RAB4A: variants seen among roughly 807,000 people sequenced by gnomAD.
RAB4A encodes RAB4A, member RAS oncogene family, also known as ras-related protein Rab-4A.
RAB4A carries 20 observed loss-of-function variants against 34.5 expected under a neutral mutation model. The observed-to-expected ratio is 0.58, with a 90% CI of 0.41 to 0.84. RAB4A has a LOEUF of 0.84. Among genes scored for constraint, RAB4A ranks in the 40% least tolerant of loss-of-function variants. The pLI is 0.00. For missense variants in RAB4A, 228 were observed against 274.5 expected (o/e 0.83, Z 1.20); for synonymous variants, 102 against 100.0 (o/e 1.02, Z -0.12).
At chr1:229,287,378 C>G (rs932901930) in intron 2 of RAB4A, among the ~76,000 whole-genome samples, 6 of 152,218 alleles carry the variant, frequency 3.9e-5, no homozygotes, top group Middle Eastern at 3.4e-3. Flanking sequence ...CTTGTTGGAG[C>G]CTGTTTGTTT....
intron 6 of RAB4A, among the ~76,000 whole-genome samples, chr1:229,302,279 AT>A (rs1657411197): frequency 6.1e-5 from 1 of 16,304 alleles, no homozygotes; most frequent in Non-Finnish European, 1.1e-4. Flanking sequence ...ATATATATAT[AT>A]ATATATATAT....
chr1:229,288,114 T>G (rs1191991093), intron 2 of RAB4A, among the ~76,000 whole-genome samples: 1 of 152,124 alleles, frequency 6.6e-6, no homozygotes, highest in African/African-American at 2.4e-5. Flanking sequence ...TAGGGTTTTG[T>G]TTTGGGGTTT....
chr1:229,288,439 C>T (rs1656980945), intron 2 of RAB4A, among the ~76,000 whole-genome samples: 1 of 152,210 alleles, frequency 6.6e-6, no homozygotes, highest in Non-Finnish European at 1.5e-5. Flanking sequence ...TAACAGTGCA[C>T]AGTTGGATGT....
chr1:229,303,135 G>A (rs1485527081), intron 7 of RAB4A, 146 bp downstream of exon 7: 4 of 593,248 alleles, frequency 6.7e-6, no homozygotes, highest in South Asian at 6.1e-5. Context: ...AGGCTGAGGT[G>A]GGCCAGTTGC....
At chr1:229,295,483 C>T (rs936118538) in intron 3 of RAB4A, among the ~76,000 whole-genome samples, 1 of 152,012 alleles carries the variant, frequency 6.6e-6, no homozygotes, top group African/African-American at 2.4e-5. Flanking sequence ...GAAAATTGTG[C>T]CAGGGAGTGG....
At chr1:229,281,729 C>T (rs1400580494) in intron 1 of RAB4A, among the ~76,000 whole-genome samples, 1 of 151,044 alleles carries the variant, frequency 6.6e-6, no homozygotes, top group Non-Finnish European at 1.5e-5. Flanking sequence ...GTTTGATTTA[C>T]CAAGAGTGCT....
intron 1 of RAB4A, 87 bp from the exon 2 acceptor site, chr1:229,286,399 A>G (rs61825327): frequency 0.02 from 15,489 of 777,320 alleles, 194 homozygotes; most frequent in Middle Eastern, 0.026. Context: ...ATTAACAACT[A>G]AGATACTAAA....
chr1:229,294,153 G>A (rs1049932635), intron 3 of RAB4A, among the ~76,000 whole-genome samples: 66 of 152,290 alleles, frequency 4.3e-4, no homozygotes, highest in African/African-American at 1.4e-3. Flanking sequence ...CCTGGAGGGT[G>A]GGACCAAAAA....
chr1:229,300,829 T>A (rs1657367047), intron 6 of RAB4A, among the ~76,000 whole-genome samples: 1 of 151,892 alleles, frequency 6.6e-6, no homozygotes, highest in Admixed American at 6.6e-5. Context: ...GAGAACAGTG[T>A]TTAAGGAGAG....
At chr1:229,278,773 T>C (rs548998617) in intron 1 of RAB4A, among the ~76,000 whole-genome samples, 2 of 152,364 alleles carry the variant, frequency 1.3e-5, no homozygotes, top group African/African-American at 4.8e-5. Flanking sequence ...TCAGTACTTT[T>C]TGTCAACAGT....
intron 1 of RAB4A, among the ~76,000 whole-genome samples, chr1:229,281,816 T>TTATATATATA (rs61184911): frequency 8.9e-4 from 125 of 140,356 alleles, no homozygotes; most frequent in African/African-American, 2.6e-3. Context: ...CTTATCATAG[T>TTATATATATA]TATATATATA....
At chr1:229,298,194 T>G (rs1003214323) in intron 5 of RAB4A, among the ~76,000 whole-genome samples, 2 of 152,210 alleles carry the variant, frequency 1.3e-5, no homozygotes, top group African/African-American at 4.8e-5. Flanking sequence ...TTTAAATAAC[T>G]TTAATTTTTA....
chr1:229,297,555 A>C lies in RAB4A; in HGVS notation c.364A>C (p.Ile122Leu). Reference protein sequence around the residue: ...RMLASQNIVIILCGNKKDLDA... With the variant: ...RMLASQNIVILLCGNKKDLDA... ...GCTAGCGAGCCAGAACATTGTGATC[A>C]TCCTTTGTGGAAACAAGAAGGACCT... Residue 122 changes from isoleucine (I) to leucine (L), a missense_variant, in exon 5 of 8, where the codon ATC becomes CTC. Ile to Leu is a conservative substitution (Grantham distance 5, BLOSUM62 2). Transcript: ENST00000366690. 6.2e-7 allele frequency: 1 copy of C among 1,613,370 alleles called. No homozygotes were observed. The highest frequency in any genetic ancestry group is 8.5e-7 in the Non-Finnish European group (1 of 1,179,964).
chr1:229,285,049 A>T (rs188069258), intron 1 of RAB4A, among the ~76,000 whole-genome samples: 1 of 152,174 alleles, frequency 6.6e-6, no homozygotes, highest in African/African-American at 2.4e-5. Flanking sequence ...CTGTCACCCA[A>T]GCTGGGGTGT....
intron 1 of RAB4A, among the ~76,000 whole-genome samples, chr1:229,276,638 A>G (rs1656658239): frequency 6.6e-6 from 1 of 151,402 alleles, no homozygotes; most frequent in Admixed American, 6.6e-5. Flanking sequence ...GTTAGAGTCC[A>G]TTTTTAATTC....
intron 6 of RAB4A, among the ~76,000 whole-genome samples, chr1:229,300,815 TC>T (rs1353770321): frequency 6.6e-6 from 1 of 152,068 alleles, no homozygotes; most frequent in African/African-American, 2.4e-5. Flanking sequence ...AATGTGATCG[TC>T]CGGAGAACAG....
chr1:229,301,959 A>G (rs1258930993), intron 6 of RAB4A, among the ~76,000 whole-genome samples: 2 of 151,938 alleles, frequency 1.3e-5, no homozygotes, highest in Non-Finnish European at 2.9e-5. Flanking sequence ...AAATGTTCCA[A>G]AATCTGAAAC....
chr1:229,300,805 A>G (rs1296461377), intron 6 of RAB4A, among the ~76,000 whole-genome samples: 1 of 152,154 alleles, frequency 6.6e-6, no homozygotes, highest in African/African-American at 2.4e-5. Flanking sequence ...CTGTGGAAGC[A>G]ATGTGATCGT....
intron 1 of RAB4A, among the ~76,000 whole-genome samples, chr1:229,271,883 C>T (rs1025415475): frequency 6.6e-6 from 1 of 152,142 alleles, no homozygotes; most frequent in African/African-American, 2.4e-5. Context: ...TCTCTTCCTC[C>T]GGAGACCTCT....
Sources: allele counts gnomAD v4.1 joint callset (sites outside exome capture counted in the v4.1 genomes callset), GRCh38; gene constraint gnomAD v4.1.1; transcripts MANE v1.5; gene names NCBI Gene and HGNC (gene_info 2026-07-23, HGNC 2026-07-21).